Variants in PCNX2 observed in about 807,000 individuals in gnomAD.
PCNX2 encodes the protein pecanex 2.
A neutral mutation model predicts 223.8 loss-of-function variants in PCNX2; 168 were observed. That is an observed-to-expected ratio of 0.75 (90% confidence interval 0.66 to 0.85). The LOEUF (loss-of-function observed/expected upper bound fraction) is 0.85, where lower values mean the gene tolerates loss of function less well. Among genes scored for constraint, PCNX2 ranks in the 40% least tolerant of loss-of-function variants. The probability of loss-of-function intolerance (pLI) is 0.00; values close to 1 mark genes in which losing one functional copy is unlikely to be tolerated. For missense variants in PCNX2, 2,507 were observed against 2,675.5 expected (o/e 0.94, Z 1.39); for synonymous variants, 1,006 against 1,052.6 (o/e 0.96, Z 0.86).
intron 1 of PCNX2, among the ~76,000 whole-genome samples, chr1:233,277,630 C>A (rs1016818719): frequency 2.0e-5 from 3 of 152,136 alleles, no homozygotes; most frequent in Non-Finnish European, 4.4e-5. Flanking sequence ...GGCGTCAAGG[C>A]AGTCCAATTA....
chr1:233,178,255 A>G (rs1406063394), intron 16 of PCNX2, among the ~76,000 whole-genome samples: 1 of 152,188 alleles, frequency 6.6e-6, no homozygotes, highest in Non-Finnish European at 1.5e-5. Context: ...AATTGTGTGA[A>G]CCATGTTTAA....
At chr1:233,151,582 G>C (rs1677810693) in intron 19 of PCNX2, among the ~76,000 whole-genome samples, 1 of 152,188 alleles carries the variant, frequency 6.6e-6, no homozygotes. Flanking sequence ...AACGGGTCTT[G>C]GATAAACACC....
intron 13 of PCNX2, among the ~76,000 whole-genome samples, chr1:233,208,204 C>T (rs4649445): frequency 0.059 from 8,928 of 152,254 alleles, 546 homozygotes; most frequent in East Asian, 0.32. Context: ...GGTGACCCAC[C>T]GGCCTCGGCC....
the PCNX2 span, among the ~76,000 whole-genome samples, chr1:233,311,627 A>G: frequency 6.6e-6 from 1 of 152,260 alleles, no homozygotes; most frequent in African/African-American, 2.4e-5. Flanking sequence ...TTTTTACTGC[A>G]TTAAGTCACC....
chr1:233,273,911 T>C (rs951018881), intron 1 of PCNX2, among the ~76,000 whole-genome samples: 1 of 152,150 alleles, frequency 6.6e-6, no homozygotes, highest in Non-Finnish European at 1.5e-5. Context: ...GCGTGAGTCA[T>C]CGTGCCTGAC....
intron 8 of PCNX2, chr1:233,241,433 T>A (rs1658758336): frequency 4.3e-6 from 4 of 920,850 alleles, no homozygotes; most frequent in African/African-American, 1.8e-5. Flanking sequence ...AAGTACAATC[T>A]CTTTCTAATA....
chr1:233,319,985 T>C, the PCNX2 span, among the ~76,000 whole-genome samples: 1 of 152,242 alleles, frequency 6.6e-6, no homozygotes, highest in Admixed American at 6.5e-5. Context: ...ATTTCTTTTA[T>C]GCCTGGGTTA....
At chr1:233,216,774 T>C (rs907511114) in intron 12 of PCNX2, among the ~76,000 whole-genome samples, 1 of 152,174 alleles carries the variant, frequency 6.6e-6, no homozygotes, top group Non-Finnish European at 1.5e-5. Context: ...ATTGCAACAC[T>C]GTTCACAATA....
Position 233,049,864 on chromosome 1 carries a change from C to G in PCNX2, c.4351+4404G>C, listed in dbSNP as rs573830286. On this transcript the variant is annotated intron_variant, in intron 25 of 33. Coordinates refer to ENST00000258229, the MANE Select transcript of PCNX2 (RefSeq NM_014801.4). ...AAAACACAATCTCATTTACAATAGACACACACACACACACACACACACAAA... is the reference window on the plus strand; with the variant it reads ...AAAACACAATCTCATTTACAATAGAGACACACACACACACACACACACAAA... Among the ~76,000 whole-genome samples the G allele has an allele frequency of 1.2e-4, 9 of 74,834 alleles. No homozygotes were observed. The East Asian group carries it at 3.2e-3, about 26-fold the overall frequency. 49.1% of individuals were successfully genotyped at this position (74,834 alleles called of 152,430 possible). A position where few individuals can be genotyped will look rare whatever the true frequency, so the allele number is the denominator to read the frequency against.
chr1:233,024,069 A>T (rs1572022639), intron 26 of PCNX2, among the ~76,000 whole-genome samples: 1 of 152,132 alleles, frequency 6.6e-6, no homozygotes, highest in African/African-American at 2.4e-5. Context: ...TGAACCCCAT[A>T]TCTAGCTAAT....
chr1:232,988,327 A>T (rs2102777229), intron 32 of PCNX2, among the ~76,000 whole-genome samples: 1 of 152,236 alleles, frequency 6.6e-6, no homozygotes, highest in Non-Finnish European at 1.5e-5. Context: ...CAAATAACCC[A>T]CTGTGTGTCA....
intron 1 of PCNX2, among the ~76,000 whole-genome samples, chr1:233,264,094 T>A (rs1269174528): frequency 6.6e-6 from 1 of 152,178 alleles, no homozygotes; most frequent in Admixed American, 6.5e-5. Context: ...CTCAATTCTA[T>A]GCAATCCCTT....
chr1:233,054,630 T>C, intron 24 of PCNX2, 147 bp from the exon 25 acceptor site: 1 of 677,960 alleles, frequency 1.5e-6, no homozygotes, highest in Non-Finnish European at 2.4e-6. Context: ...TCCCACATTT[T>C]AGTGGATTAT....
rs1011802481 is a variant in PCNX2, at chr1:233,200,383, C to CTTTTTT, written c.2864-125_2864-120dup. The CTTTTTT allele has an allele frequency of 1.5e-3, 326 of 210,876 alleles. 4 individuals carry two copies. Among genetic ancestry groups the CTTTTTT allele is most frequent in the South Asian group, 5.8e-3 (151 of 25,940 alleles). The allele number at this position is 210,876 out of a possible 1,614,324, so 13.1% of individuals were successfully genotyped here. ...CCCACCCAGGAATACTGGAGGCAAT[C>CTTTTTT]TTTTTTTTTTTTTTTTTTTTTTTTG... On this transcript the variant is annotated intron_variant, in intron 13 of 33. Coordinates refer to ENST00000258229, the MANE Select transcript of PCNX2 (RefSeq NM_014801.4).
At chr1:233,317,415 A>AAAAC in the PCNX2 span, among the ~76,000 whole-genome samples, 73,446 of 150,680 alleles carry the variant, frequency 0.49, 18,197 homozygotes, top group African/African-American at 0.54. Context: ...CTCTGTCTCA[A>AAAAC]AAACAAACAA....
the PCNX2 span, among the ~76,000 whole-genome samples, chr1:233,301,139 A>G: frequency 6.6e-6 from 1 of 152,244 alleles, no homozygotes; most frequent in Admixed American, 6.5e-5. Flanking sequence ...TACAAGCAAC[A>G]TATCAAAAAT....
chr1:233,117,995 G>A (rs1675523756), intron 21 of PCNX2, among the ~76,000 whole-genome samples: 1 of 146,984 alleles, frequency 6.8e-6, no homozygotes, highest in Admixed American at 6.7e-5. Context: ...GGGCGACAGA[G>A]CGAGACTCCG....
intron 20 of PCNX2, among the ~76,000 whole-genome samples, chr1:233,138,091 G>C (rs1676912267): frequency 6.6e-6 from 1 of 152,080 alleles, no homozygotes; most frequent in Non-Finnish European, 1.5e-5. Context: ...AAAATGTTTT[G>C]TTTTTAATTC....
At chr1:233,219,779 ACATCATTATC>A (rs1657259721) in intron 10 of PCNX2, among the ~76,000 whole-genome samples, 1 of 152,006 alleles carries the variant, frequency 6.6e-6, no homozygotes, top group South Asian at 2.1e-4. Flanking sequence ...CAACATTAAC[ACATCATTATC>A]CATCAGTATC....
Sources: allele counts gnomAD v4.1 joint callset (sites outside exome capture counted in the v4.1 genomes callset), GRCh38; gene constraint gnomAD v4.1.1; transcripts MANE v1.5; gene names NCBI Gene and HGNC (gene_info 2026-07-23, HGNC 2026-07-21).